ZNF263: variants seen among roughly 807,000 people sequenced by gnomAD.
The protein encoded by ZNF263 is zinc finger protein FPM315.
Under a neutral mutation model 63.1 loss-of-function variants are expected in ZNF263, and 49 were observed. The ratio of observed to expected loss-of-function variants is 0.78; its 90% CI spans 0.62 to 0.99. The LOEUF is 0.99. Among genes scored for constraint, ZNF263 ranks in the 50% least tolerant of loss-of-function variants. The pLI, the probability that ZNF263 is intolerant of heterozygous loss-of-function variation, is 0.00. For synonymous variants in ZNF263, 352 were observed against 324.2 expected (o/e 1.09, Z -0.92); for missense variants, 872 against 854.8 (o/e 1.02, Z -0.25).
rs372013671 is a variant in ZNF263, at chr16:3,299,273, C to G, written c.*46+117C>G. ...CCACCTTTGGTTTTTAGGAGACAAC[C>G]CTTTTCTTCATCTCCATTTAACCAC... is the stretch of plus-strand genomic sequence containing the variant. On this transcript the variant is annotated intron_variant, in intron 2 of 2. Transcript: ENST00000574674. 4.3e-6 allele frequency: 7 copies of G among 1,610,874 alleles called. No homozygotes were observed. In the African/African-American group the frequency reaches 8.0e-5, roughly 18 times the overall value.
chr16:3,284,208 G>A lies in ZNF263; in HGVS notation c.387+3G>A. On this transcript the variant is annotated splice_donor_region_variant and intron_variant, in intron 1 of 5. Coordinates refer to ENST00000219069, the MANE Select transcript of ZNF263 (RefSeq NM_005741.5). ...AGCTTGGGAGACTGAGACAACAGGT[G>A]AGAGAGAGAGAGAGCTGTTTTATCT... 1 of 1,405,562 alleles carries A rather than the reference G, an allele frequency of 7.1e-7. No individual in the cohort carries two copies. Among genetic ancestry groups the A allele is most frequent in the East Asian group, 2.6e-5 (1 of 38,722 alleles). The allele number at this position is 1,405,562 out of a possible 1,614,324, so 87.1% of individuals were successfully genotyped here.
intron 2 of ZNF263, chr16:3,299,610 GATCACACCTTGATTC>G: frequency 6.4e-7 from 1 of 1,561,472 alleles, no homozygotes; most frequent in Non-Finnish European, 8.6e-7. Flanking sequence ...TGCAGCTCAA[GATCACACCTTGATTC>G]ATTGGTTGAA....
downstream of ZNF263, among the ~76,000 whole-genome samples, chr16:3,292,707 TG>T (rs1163952893): frequency 2.0e-5 from 3 of 152,254 alleles, no homozygotes; most frequent in Non-Finnish European, 4.4e-5. Context: ...TGCTCATACT[TG>T]GAACACTGCA....
chr16:3,290,781 G>T lies in ZNF263; in HGVS notation c.*223G>T. 1 of 1,343,602 alleles carries T rather than the reference G, an allele frequency of 7.4e-7. No homozygotes were observed. Among genetic ancestry groups the T allele is most frequent in the Non-Finnish European group, 9.5e-7 (1 of 1,050,106 alleles). 83.2% of individuals were successfully genotyped at this position (1,343,602 alleles called of 1,614,324 possible). A position where few individuals can be genotyped will look rare whatever the true frequency, so the allele number is the denominator to read the frequency against. Reference sequence around the variant, plus strand: ...TGGCAAGTCTCTGAGGTGACCTCAGGGTGGAATTCTCTGTTAAGTCCACCC... The same window carrying T: ...TGGCAAGTCTCTGAGGTGACCTCAGTGTGGAATTCTCTGTTAAGTCCACCC... On this transcript the variant is annotated 3_prime_UTR_variant, in exon 6 of 6. Transcript: ENST00000219069.
downstream of ZNF263, among the ~76,000 whole-genome samples, chr16:3,295,405 G>T (rs145905940): frequency 0.018 from 2,776 of 152,248 alleles, 49 homozygotes; most frequent in Non-Finnish European, 0.029. Context: ...CCCTTCCAGC[G>T]TTCCCGCCCG....
downstream of ZNF263, among the ~76,000 whole-genome samples, chr16:3,294,662 A>G (rs538622856): frequency 6.6e-6 from 1 of 152,284 alleles, no homozygotes; most frequent in South Asian, 2.1e-4. Flanking sequence ...GGAATGATCT[A>G]GGTTAAGTTC....
intron 2 of ZNF263, chr16:3,300,494 T>TCATAAAA: frequency 6.2e-7 from 1 of 1,614,160 alleles, no homozygotes; most frequent in East Asian, 2.2e-5. Context: ...TCATAAAATG[T>TCATAAAA]TGACTTACTG....
At chr16:3,299,688 A>C (rs1201540898) in intron 2 of ZNF263, 1 of 1,541,206 alleles carries the variant, frequency 6.5e-7, no homozygotes, top group Non-Finnish European at 8.7e-7. Flanking sequence ...GACCATCCTC[A>C]CTGGTTAGGG....
intron 4 of ZNF263, 126 bp downstream of exon 4, chr16:3,286,275 T>G: frequency 1.4e-6 from 2 of 1,384,842 alleles, no homozygotes; most frequent in Non-Finnish European, 1.9e-6. Flanking sequence ...GACTTCCCTT[T>G]GTCTAAAGTC....
At position 3,298,015 on chromosome 16, in the gene ZNF263, A is replaced by G. The variant is rs144628237; in HGVS notation, c.152-1091A>G. On this transcript the variant is annotated intron_variant, in intron 1 of 2. Transcript: ENST00000574674. ...AAATAATGGTGGGAATGTGAAAGCAATTTAACAGCGTGTATCGCAGCTTTT... is the reference window on the plus strand; with the variant it reads ...AAATAATGGTGGGAATGTGAAAGCAGTTTAACAGCGTGTATCGCAGCTTTT... 6.6e-5 allele frequency among the ~76,000 whole-genome samples: 10 copies of G among 152,322 alleles called. No homozygotes were observed. The East Asian group carries it at 1.7e-3, about 26-fold the overall frequency.
At chr16:3,297,456 CTTTTTTTTTTTTTTT>C (rs1168352573) in intron 1 of ZNF263, among the ~76,000 whole-genome samples, 1 of 76,444 alleles carries the variant, frequency 1.3e-5, no homozygotes, top group Non-Finnish European at 2.4e-5. Flanking sequence ...GAAACAGATT[CTTTTTTTTTTTTTTT>C]TTTTTTTTTT....
intron 2 of ZNF263, chr16:3,299,510 A>G: frequency 6.5e-7 from 1 of 1,534,948 alleles, no homozygotes; most frequent in Non-Finnish European, 8.7e-7. Context: ...TTAATTTTGG[A>G]AACTCCTTTA....
intron 4 of ZNF263, 43 bp downstream of exon 4, chr16:3,286,192 AC>A: frequency 1.3e-6 from 2 of 1,548,866 alleles, no homozygotes; most frequent in South Asian, 2.5e-5. Flanking sequence ...GCCATTTCTG[AC>A]CAGGGTCCTG....
rs143902117 is a variant in ZNF263 at position 3,289,556 on chromosome 16, G to A, written c.1050G>A (p.Glu350=). Residue 350 remains glutamate, a synonymous_variant, in exon 6 of 6, where the codon GAG becomes GAA. Transcript: ENST00000219069. ...AAGGGGATTGGGCGCCTCCCCCAGA[G>A]GGTGGAATGGAGCAGGCCTTGGCAG... The part of the protein sequence containing the change: ...RSQGDWAPPP[E]GGMEQALAGA... The A allele has an allele frequency of 1.0e-4, 169 of 1,612,378 alleles. No homozygotes were observed. Among genetic ancestry groups the A allele is most frequent in the Non-Finnish European group, 1.3e-4 (158 of 1,179,070 alleles).
At position 3,283,688 on chromosome 16, in the gene ZNF263, G is replaced by T. The variant is rs1293198188; in HGVS notation, c.-131G>T. ...GCCGGCCGCGCCTGGGCTGGAGCGGGGCTCCTCGGCCTGGACTGGGAGCCC... is the reference window on the plus strand; with the variant it reads ...GCCGGCCGCGCCTGGGCTGGAGCGGTGCTCCTCGGCCTGGACTGGGAGCCC... On this transcript the variant is annotated 5_prime_UTR_variant, in exon 1 of 6. Coordinates refer to ENST00000219069, the MANE Select transcript of ZNF263 (RefSeq NM_005741.5). 3.0e-6 allele frequency: 4 copies of T among 1,337,530 alleles called. No individual in the cohort carries two copies. The highest frequency in any genetic ancestry group is 3.8e-6 in the Non-Finnish European group (4 of 1,046,778). 82.9% of individuals were successfully genotyped at this position (1,337,530 alleles called of 1,614,324 possible).
Position 3,283,846 on chromosome 16 carries a change from C to T in ZNF263, c.28C>T (p.Arg10Trp). The T allele has an allele frequency of 6.3e-7, 1 of 1,584,434 alleles. No individual in the cohort carries two copies. Among genetic ancestry groups the T allele is most frequent in the Non-Finnish European group, 8.6e-7 (1 of 1,166,536 alleles). ...GGCGTCGGGCCCGGGCTCCCAGGAA[C>T]GGGAAGGGCTCCTGATAGTGAAGCT... MASGPGSQE[R>W]EGLLIVKLEE... The change falls in exon 1 of 6, where the codon CGG becomes TGG. Residue 10 changes from arginine (R) to tryptophan (W), a missense_variant. Transcript: ENST00000219069.
chr16:3,293,237 T>G (rs1370635262), downstream of ZNF263: 1 of 152,248 alleles, frequency 6.6e-6, no homozygotes, highest in Non-Finnish European at 1.5e-5. Context: ...AGCTGATGGT[T>G]TTAAAAGTGT....
In ZNF263 at chr16:3,290,294, A is replaced by G. The variant is rs1487072487; in HGVS notation, c.1788A>G (p.Thr596=). Residue 596 remains threonine (T), a synonymous_variant, in exon 6 of 6, where the codon ACA becomes ACG. Transcript: ENST00000219069. ...TGCACCTCACCAGACATCAGAGAACACACACAGGAGAGAAACCGTATAAAT... is the reference window on the plus strand; with the variant it reads ...TGCACCTCACCAGACATCAGAGAACGCACACAGGAGAGAAACCGTATAAAT... ...QGMHLTRHQR[T]HTGEKPYKCT... is the part of the protein sequence containing the mutation. 1 of 1,613,918 alleles carries G rather than the reference A, an allele frequency of 6.2e-7. No homozygotes were observed. The highest frequency in any genetic ancestry group is 8.5e-7 in the Non-Finnish European group (1 of 1,180,000).
chr16:3,297,456 CTTTT>C (rs1168352573), intron 1 of ZNF263, among the ~76,000 whole-genome samples: 15 of 76,472 alleles, frequency 2.0e-4, no homozygotes, highest in Admixed American at 1.1e-3. Flanking sequence ...GAAACAGATT[CTTTT>C]TTTTTTTTTT....
Sources: gnomAD v4.1 joint callset for allele counts (sites outside exome capture counted in the v4.1 genomes callset) on GRCh38, gnomAD v4.1.1 for gene constraint, MANE v1.5 for transcripts, NCBI Gene and HGNC (gene_info 2026-07-23, HGNC 2026-07-21) for gene names.